PPP3CA: variants seen among roughly 807,000 people sequenced by gnomAD.
PPP3CA encodes the protein CAM-PRP catalytic subunit.
PPP3CA carries 14 observed loss-of-function variants against 66.5 expected under a neutral mutation model. The ratio of observed to expected loss-of-function variants is 0.21; its 90% confidence interval spans 0.14 to 0.33. PPP3CA has a LOEUF of 0.33. PPP3CA is among the 10% of genes least tolerant of loss of function. The probability of loss-of-function intolerance (pLI) is 1.00; values close to 1 mark genes in which losing one functional copy is unlikely to be tolerated. For missense variants in PPP3CA, 317 were observed against 639.5 expected (o/e 0.50, Z 5.44); for synonymous variants, 232 against 226.2 (o/e 1.03, Z -0.23).
intron 1 of PPP3CA, among the ~76,000 whole-genome samples, chr4:101,207,508 T>G (rs2659532): frequency 0.24 from 36,538 of 151,932 alleles, 6,806 homozygotes; most frequent in African/African-American, 0.5. Flanking sequence ...AATGAAAAAT[T>G]TATTGAGAAA....
At chr4:101,338,617 T>C (rs764935066) in intron 1 of PPP3CA, among the ~76,000 whole-genome samples, 12 of 152,214 alleles carry the variant, frequency 7.9e-5, no homozygotes, top group Non-Finnish European at 1.5e-4. Context: ...CATGCTCTTA[T>C]CAAGGTGTCC....
chr4:101,212,345 G>A (rs1326159360), intron 1 of PPP3CA, among the ~76,000 whole-genome samples: 1 of 152,110 alleles, frequency 6.6e-6, no homozygotes, highest in Non-Finnish European at 1.5e-5. Context: ...ATTATCCTCA[G>A]CAAACTAACA....
At chr4:101,072,245 C>T (rs1728947906) in intron 8 of PPP3CA, among the ~76,000 whole-genome samples, 1 of 152,172 alleles carries the variant, frequency 6.6e-6, no homozygotes, top group Non-Finnish European at 1.5e-5. Flanking sequence ...ACAAATGACT[C>T]TTCATTTCAA....
At chr4:101,243,593 A>C (rs988276373) in intron 1 of PPP3CA, among the ~76,000 whole-genome samples, 1 of 152,208 alleles carries the variant, frequency 6.6e-6, no homozygotes, top group Non-Finnish European at 1.5e-5. Flanking sequence ...GATTATAAGT[A>C]ATCTAGAAAT....
At chr4:101,091,065 T>G (rs1304899812) in intron 6 of PPP3CA, among the ~76,000 whole-genome samples, 1 of 152,082 alleles carries the variant, frequency 6.6e-6, no homozygotes, top group Non-Finnish European at 1.5e-5. Flanking sequence ...GGACTCTGCT[T>G]AGAATATGAT....
chr4:101,285,258 T>A lies in PPP3CA; in HGVS notation c.58+61481A>T, dbSNP rs187665376. Among the ~76,000 whole-genome samples the A allele has an allele frequency of 1.2e-4, 19 of 152,336 alleles. No individual in the cohort carries two copies. In the East Asian group the frequency reaches 3.7e-3, roughly 29 times the overall value. On this transcript the variant is annotated intron_variant, in intron 1 of 13. Coordinates refer to ENST00000394854, the MANE Select transcript of PPP3CA (RefSeq NM_000944.5). Reference sequence around the variant, plus strand: ...AAGGATTATGTTTAAATAATTATTATCCTTAACTTGCTTTCCTTTAATCAT... The same window carrying A: ...AAGGATTATGTTTAAATAATTATTAACCTTAACTTGCTTTCCTTTAATCAT...
chr4:101,031,658 TCTAAGGTCTAGAAAGCTACA>T (rs1362983462), intron 12 of PPP3CA, among the ~76,000 whole-genome samples: 2 of 152,188 alleles, frequency 1.3e-5, no homozygotes, highest in Non-Finnish European at 2.9e-5. Context: ...ACGGCACAGG[TCTAAGGTCTAGAAAGCTACA>T]CATTTTAACA....
chr4:101,033,293 A>AC (rs1727088936), intron 11 of PPP3CA, among the ~76,000 whole-genome samples: 1 of 139,268 alleles, frequency 7.2e-6, no homozygotes, highest in African/African-American at 2.7e-5. Context: ...CACACACACA[A>AC]ACACACACAC....
intron 1 of PPP3CA, among the ~76,000 whole-genome samples, chr4:101,299,833 T>G (rs2110297877): frequency 6.6e-6 from 1 of 152,290 alleles, no homozygotes; most frequent in South Asian, 2.1e-4. Context: ...TAAGGCCATG[T>G]TTACACTGTC....
At chr4:101,197,276 G>A (rs77496381) in intron 1 of PPP3CA, among the ~76,000 whole-genome samples, 1,984 of 152,274 alleles carry the variant, frequency 0.013, 36 homozygotes, top group African/African-American at 0.045. Context: ...CCAAAAAATT[G>A]TGTTAATCTA....
intron 1 of PPP3CA, among the ~76,000 whole-genome samples, chr4:101,285,240 A>T (rs1366642420): frequency 6.6e-6 from 1 of 152,176 alleles, no homozygotes; most frequent in Non-Finnish European, 1.5e-5. Flanking sequence ...ATAAAGGATT[A>T]TGTTTAAATA....
intron 1 of PPP3CA, among the ~76,000 whole-genome samples, chr4:101,319,919 C>T (rs1728988767): frequency 1.3e-5 from 2 of 152,054 alleles, no homozygotes; most frequent in African/African-American, 2.4e-5. Context: ...TAGCCTTATA[C>T]CTGAATTTCA....
At chr4:101,282,082 C>T (rs974741115) in intron 1 of PPP3CA, among the ~76,000 whole-genome samples, 8 of 152,130 alleles carry the variant, frequency 5.3e-5, no homozygotes, top group Non-Finnish European at 7.4e-5. Flanking sequence ...ATATTATCTT[C>T]GCATCTATGG....
Position 101,039,922 on chromosome 4 carries a change from T to C in PPP3CA, c.1241+560A>G, listed in dbSNP as rs186250087. Among the ~76,000 whole-genome samples, 470 of 144,732 alleles carry C rather than the reference T, an allele frequency of 3.2e-3. 66 individuals are homozygous for C. Among genetic ancestry groups the C allele is most frequent in the Middle Eastern group, 0.015 (4 of 272 alleles). 94.9% of individuals were successfully genotyped at this position (144,732 alleles called of 152,430 possible). ...TTGTATTATTTAGAAATAACTGGAG[T>C]TTCCTTCAAGAAAATATTTGTTTTC... On this transcript the variant is annotated intron_variant, in intron 11 of 13. Transcript: ENST00000394854.
intron 9 of PPP3CA, among the ~76,000 whole-genome samples, chr4:101,063,029 T>C (rs1728539972): frequency 6.6e-6 from 1 of 151,876 alleles, no homozygotes; most frequent in Non-Finnish European, 1.5e-5. Flanking sequence ...TTTGTTTTTT[T>C]TTTTGCTTCC....
intron 1 of PPP3CA, among the ~76,000 whole-genome samples, chr4:101,257,177 T>A (rs1726871183): frequency 1.3e-5 from 2 of 152,060 alleles, no homozygotes; most frequent in Non-Finnish European, 2.9e-5. Context: ...TACTCCTGAT[T>A]CTTTTAGTTT....
At chr4:101,282,326 A>G (rs1325043892) in intron 1 of PPP3CA, among the ~76,000 whole-genome samples, 2 of 152,224 alleles carry the variant, frequency 1.3e-5, no homozygotes, top group Admixed American at 1.3e-4. Context: ...AAGAATGACA[A>G]AGGTGATTAG....
intron 2 of PPP3CA, among the ~76,000 whole-genome samples, chr4:101,183,149 T>G (rs999656505): frequency 6.6e-6 from 1 of 152,110 alleles, no homozygotes; most frequent in Non-Finnish European, 1.5e-5. Context: ...ATATAAGCAA[T>G]TTGAGGTAAC....
intron 6 of PPP3CA, among the ~76,000 whole-genome samples, chr4:101,090,208 A>G (rs777620172): frequency 6.6e-5 from 10 of 152,220 alleles, no homozygotes; most frequent in Non-Finnish European, 1.3e-4. Context: ...AGAATGAGAA[A>G]CATTTTTCTC....
Sources: gnomAD v4.1 joint callset for allele counts (sites outside exome capture counted in the v4.1 genomes callset) on GRCh38, gnomAD v4.1.1 for gene constraint, MANE v1.5 for transcripts, NCBI Gene and HGNC (gene_info 2026-07-23, HGNC 2026-07-21) for gene names.